The following OPA1 variants were observed in gnomAD, a reference collection of about 807,000 sequenced individuals.
OPA1 encodes dynamin-like GTPase OPA1, mitochondrial.
A neutral mutation model predicts 152.9 loss-of-function variants in OPA1; 59 were observed. The observed-to-expected ratio is 0.39, with a 90% confidence interval of 0.31 to 0.48. The LOEUF (loss-of-function observed/expected upper bound fraction) is 0.48. Among genes scored for constraint, OPA1 ranks in the 20% least tolerant of loss-of-function variants. The probability of loss-of-function intolerance (pLI) is 0.96; values close to 1 mark genes in which losing one functional copy is unlikely to be tolerated. For synonymous variants in OPA1, 400 were observed against 389.9 expected, an observed-to-expected ratio of 1.03 and a Z score of -0.31; for missense variants, 1,008 against 1,216.8, an observed-to-expected ratio of 0.83 and a Z score of 2.55.
chr3:193,669,525 G>C (rs1717457502), intron 29 of OPA1, among the ~76,000 whole-genome samples: 1 of 152,132 alleles, frequency 6.6e-6, no homozygotes, highest in South Asian at 2.1e-4. Flanking sequence ...TATTATAGTG[G>C]TTATTTCTCA....
chr3:193,647,334 C>G (rs1263105791), intron 19 of OPA1, among the ~76,000 whole-genome samples, 154 bp downstream of exon 19: 1 of 152,180 alleles, frequency 6.6e-6, no homozygotes, highest in Non-Finnish European at 1.5e-5. Flanking sequence ...GAATACAAAC[C>G]TTCAGTTGTT....
intron 1 of OPA1, among the ~76,000 whole-genome samples, chr3:193,602,433 C>A (rs1726603749): frequency 6.6e-6 from 1 of 152,176 alleles, no homozygotes; most frequent in African/African-American, 2.4e-5. Flanking sequence ...GAAATGCTTC[C>A]TTTACCTGGT....
chr3:193,671,573 A>T (rs1717931875), intron 29 of OPA1, among the ~76,000 whole-genome samples: 1 of 151,994 alleles, frequency 6.6e-6, no homozygotes, highest in Admixed American at 6.5e-5. Flanking sequence ...GTAGTAATAT[A>T]TCAGTGTTAA....
chr3:193,673,862 A>G (rs535826648), intron 29 of OPA1, among the ~76,000 whole-genome samples: 2 of 152,222 alleles, frequency 1.3e-5, no homozygotes, highest in Non-Finnish European at 2.9e-5. Context: ...TTTTAATGGT[A>G]TAGTTTGATA....
intron 6 of OPA1, among the ~76,000 whole-genome samples, chr3:193,625,365 C>G (rs1346165545): frequency 6.6e-6 from 1 of 151,814 alleles, no homozygotes; most frequent in African/African-American, 2.4e-5. Context: ...TTTTATAGCA[C>G]TTTTGTTTAG....
intron 4 of OPA1, 71 bp from the exon 5 acceptor site, chr3:193,617,713 T>C (rs1312191406): frequency 4.4e-6 from 5 of 1,132,248 alleles, no homozygotes; most frequent in Non-Finnish European, 6.7e-6. Flanking sequence ...ATCTGAGATC[T>C]CAGACATCTT....
intron 30 of OPA1, 137 bp from the exon 31 acceptor site, chr3:193,694,467 CTA>C (rs1215154003): frequency 2.0e-5 from 3 of 152,164 alleles, no homozygotes; most frequent in African/African-American, 7.2e-5. Context: ...CGGTGATAGA[CTA>C]TATAAGTTTA....
At chr3:193,683,010 G>T (rs1720401705) in intron 29 of OPA1, among the ~76,000 whole-genome samples, 1 of 152,106 alleles carries the variant, frequency 6.6e-6, no homozygotes, top group South Asian at 2.1e-4. Flanking sequence ...AAAGCTTCTG[G>T]AAAGGACTCA....
Position 193,696,097 on chromosome 3 carries a change from A to G in OPA1, c.*1497A>G, listed in dbSNP as rs1415331683. 6.6e-6 allele frequency: 1 copy of G among 152,204 alleles called. No homozygotes were observed. The highest frequency in any genetic ancestry group is 1.5e-5 in the Non-Finnish European group (1 of 68,040). 9.4% of individuals were successfully genotyped at this position (152,204 alleles called of 1,614,324 possible). ...AGGGAGGAGAGCTCTATTATGTTCT[A>G]TACACAGATTAGGAGATGACCTTAC... On this transcript the variant is annotated 3_prime_UTR_variant, in exon 31 of 31. Coordinates refer to ENST00000361510, the MANE Select transcript of OPA1 (RefSeq NM_130837.3).
At chr3:193,663,538 T>G (rs1439346826) in intron 26 of OPA1, among the ~76,000 whole-genome samples, 1 of 152,136 alleles carries the variant, frequency 6.6e-6, no homozygotes, top group African/African-American at 2.4e-5. Flanking sequence ...AAAAATACTT[T>G]CGGGCCCACG....
chr3:193,623,103 T>G (rs1167343857), intron 6 of OPA1, among the ~76,000 whole-genome samples: 2 of 151,642 alleles, frequency 1.3e-5, no homozygotes, highest in Admixed American at 6.6e-5. Context: ...ACTGGCAGAT[T>G]CGATGTCTTT....
At chr3:193,598,555 T>C (rs1348243205) in intron 1 of OPA1, among the ~76,000 whole-genome samples, 3 of 152,074 alleles carry the variant, frequency 2.0e-5, no homozygotes, top group Non-Finnish European at 4.4e-5. Flanking sequence ...TCATGTAGGG[T>C]TTGTATTTTG....
At chr3:193,598,041 A>G (rs1004505805) in intron 1 of OPA1, among the ~76,000 whole-genome samples, 98 of 152,310 alleles carry the variant, frequency 6.4e-4, no homozygotes, top group African/African-American at 2.2e-3. Flanking sequence ...TGATAATGCC[A>G]TTGCACTCCA....
intron 1 of OPA1, among the ~76,000 whole-genome samples, chr3:193,613,268 A>G (rs1332195440): frequency 2.6e-5 from 4 of 152,104 alleles, no homozygotes; most frequent in Non-Finnish European, 5.9e-5. Context: ...TTGTCTGCCT[A>G]TTGTGCTAGG....
chr3:193,677,907 C>T (rs766073414), intron 29 of OPA1, among the ~76,000 whole-genome samples: 3 of 152,174 alleles, frequency 2.0e-5, no homozygotes, highest in South Asian at 2.1e-4. Context: ...CGTTGCTCAT[C>T]GTGATACCAT....
chr3:193,643,257 G>A (rs1403121315), intron 13 of OPA1, 116 bp from the exon 14 acceptor site: 2 of 897,116 alleles, frequency 2.2e-6, no homozygotes, highest in African/African-American at 1.7e-5. Flanking sequence ...ATTTTTGTGA[G>A]CGTCTTATCT....
chr3:193,642,687 T>C, intron 11 of OPA1, 78 bp from the exon 12 acceptor site: 1 of 1,086,932 alleles, frequency 9.2e-7, no homozygotes, highest in Non-Finnish European at 1.4e-6. Context: ...AGTAGCCCTG[T>C]CTAGACCACA....
intron 25 of OPA1, among the ~76,000 whole-genome samples, chr3:193,660,710 T>A (rs975948580): frequency 6.6e-6 from 1 of 152,154 alleles, no homozygotes; most frequent in Admixed American, 6.6e-5. Context: ...TATTTTTTTT[T>A]TTGGTAATGA....
chr3:193,625,942 C>G (rs1172846018), intron 6 of OPA1, 150 bp from the exon 7 acceptor site: 8 of 692,802 alleles, frequency 1.2e-5, no homozygotes, highest in Non-Finnish European at 1.9e-5. Context: ...CGGTACAGAG[C>G]CCAAGGGTAT....
Sources: allele counts gnomAD v4.1 joint callset (sites outside exome capture counted in the v4.1 genomes callset), GRCh38; gene constraint gnomAD v4.1.1; transcripts MANE v1.5; gene names NCBI Gene and HGNC (gene_info 2026-07-23, HGNC 2026-07-21).